Variants in CHODL observed in about 807,000 individuals in gnomAD.
The protein encoded by CHODL is transmembrane protein MT75.
Under a neutral mutation model 34.5 loss-of-function variants are expected in CHODL, and 29 were observed. The ratio of observed to expected loss-of-function variants is 0.84; its 90% confidence interval spans 0.63 to 1.15. The LOEUF (loss-of-function observed/expected upper bound fraction) is 1.15. Ranked by LOEUF, CHODL falls within the 50% of genes most tolerant of loss-of-function variation. The pLI is 0.00. For missense variants in CHODL, 332 were observed against 332.5 expected (o/e 1.00, Z 0.01); for synonymous variants, 125 against 116.1 (o/e 1.08, Z -0.49).
At chr21:18,257,178 A>G in intron 3 of CHODL, 51 bp downstream of exon 3, 5 of 1,501,808 alleles carry the variant, frequency 3.3e-6, no homozygotes, top group East Asian at 4.6e-5. Context: ...GTTTAATTGT[A>G]TTAAGTTTTG....
chr21:18,131,225 A>G (rs1460637361), intron 2 of CHODL, among the ~76,000 whole-genome samples: 3 of 152,120 alleles, frequency 2.0e-5, no homozygotes, highest in Non-Finnish European at 2.9e-5. Flanking sequence ...AGGGAATAGT[A>G]AAGGGCCCTG....
At chr21:18,039,751 G>C (rs1158921856) in intron 2 of CHODL, among the ~76,000 whole-genome samples, 9 of 151,522 alleles carry the variant, frequency 5.9e-5, no homozygotes, top group Admixed American at 5.9e-4. Flanking sequence ...TCATCTTGAT[G>C]CTACCAAAAC....
At chr21:18,251,551 A>AATATTT (rs1568957614) in intron 1 of CHODL, among the ~76,000 whole-genome samples, 2 of 6,062 alleles carry the variant, frequency 3.3e-4, no homozygotes, top group African/African-American at 1.3e-3. Context: ...TAATATATAA[A>AATATTT]TATTTATTTT....
intron 1 of CHODL, among the ~76,000 whole-genome samples, chr21:18,002,800 G>C (rs551190290): frequency 2.6e-5 from 4 of 152,262 alleles, no homozygotes; most frequent in Admixed American, 2.6e-4. Flanking sequence ...GGTGCTTGTA[G>C]GATGGATACA....
At chr21:18,039,850 T>G (rs2064354038) in intron 2 of CHODL, among the ~76,000 whole-genome samples, 1 of 151,744 alleles carries the variant, frequency 6.6e-6, no homozygotes, top group African/African-American at 2.4e-5. Flanking sequence ...TTTAAGAGAT[T>G]TATGGATTGC....
At position 18,266,025 on chromosome 21, in the gene CHODL, G is replaced by A; in HGVS notation, c.809G>A (p.Gly270Asp). Residue 270 changes from glycine (G) to aspartate (D), a missense_variant, in exon 6 of 6, where the codon GGC becomes GAC. Physicochemically the swap from Gly to Asp is moderately conservative, Grantham distance 94. Transcript: ENST00000299295. ...TCAAAGAGTACCAGAAAAGAAAGTG[G>A]CATGGAAGTATAATAACTCATTGAC... The part of the protein sequence containing the change: ...WISKSTRKES[G>D]MEV The A allele has an allele frequency of 6.2e-7, 1 of 1,613,538 alleles. No individual in the cohort carries two copies. Among genetic ancestry groups the A allele is most frequent in the African/African-American group, 1.3e-5 (1 of 75,018 alleles).
intron 1 of CHODL, among the ~76,000 whole-genome samples, chr21:17,998,737 C>A (rs1041145776): frequency 6.6e-6 from 1 of 152,148 alleles, no homozygotes; most frequent in East Asian, 1.9e-4. Context: ...ATGGCTGGAG[C>A]CTTGAACATA....
intron 2 of CHODL, among the ~76,000 whole-genome samples, chr21:18,204,438 C>G (rs1405036186): frequency 6.6e-6 from 1 of 152,066 alleles, no homozygotes; most frequent in African/African-American, 2.4e-5. Context: ...GAAACCCTTA[C>G]CGGCAACTAT....
intron 2 of CHODL, among the ~76,000 whole-genome samples, chr21:18,192,472 G>A (rs2073522079): frequency 6.6e-6 from 1 of 152,116 alleles, no homozygotes; most frequent in African/African-American, 2.4e-5. Flanking sequence ...ATAAACATAA[G>A]TTTCGCATGA....
intron 1 of CHODL, among the ~76,000 whole-genome samples, chr21:18,252,253 T>C (rs2074266201): frequency 6.6e-6 from 1 of 152,160 alleles, no homozygotes; most frequent in African/African-American, 2.4e-5. Context: ...TATGGTTCTC[T>C]GAATCCTTAT....
intron 2 of CHODL, among the ~76,000 whole-genome samples, chr21:18,086,826 T>C (rs1449542361): frequency 6.6e-6 from 1 of 152,162 alleles, no homozygotes; most frequent in African/African-American, 2.4e-5. Flanking sequence ...GGGCTGATTC[T>C]TGGGCCTCCA....
chr21:18,056,207 C>A (rs1392995610), intron 2 of CHODL, among the ~76,000 whole-genome samples: 2 of 151,920 alleles, frequency 1.3e-5, no homozygotes, highest in African/African-American at 2.4e-5. Flanking sequence ...GACCATTAAC[C>A]TTCAAGATTT....
At chr21:17,998,384 G>C (rs2063871934) in intron 1 of CHODL, among the ~76,000 whole-genome samples, 1 of 152,168 alleles carries the variant, frequency 6.6e-6, no homozygotes, top group Non-Finnish European at 1.5e-5. Flanking sequence ...GGTGCAAGCT[G>C]TTGGTGGATC....
At chr21:17,928,914 A>T (rs969119205) in intron 1 of CHODL, among the ~76,000 whole-genome samples, 23 of 152,350 alleles carry the variant, frequency 1.5e-4, no homozygotes, top group African/African-American at 5.3e-4. Context: ...TTATTCTAGG[A>T]TAGTATTAGT....
intron 5 of CHODL, among the ~76,000 whole-genome samples, chr21:18,265,277 G>A (rs148106067): frequency 0.017 from 2,196 of 128,038 alleles, 51 homozygotes; most frequent in African/African-American, 0.077. Context: ...ATATATGTGT[G>A]TGTATATATA....
chr21:18,122,291 C>G (rs2065489539), intron 2 of CHODL, among the ~76,000 whole-genome samples: 2 of 151,934 alleles, frequency 1.3e-5, no homozygotes, highest in South Asian at 4.1e-4. Flanking sequence ...TTTTTAAAAC[C>G]TTTTAATATC....
intron 1 of CHODL, among the ~76,000 whole-genome samples, chr21:17,930,201 G>A (rs2063260995): frequency 6.6e-6 from 1 of 152,054 alleles, no homozygotes; most frequent in South Asian, 2.1e-4. Flanking sequence ...GTGGGCCAAA[G>A]GCCCCACAGC....
intron 1 of CHODL, among the ~76,000 whole-genome samples, chr21:18,003,048 C>T (rs1330785578): frequency 6.7e-6 from 1 of 148,742 alleles, no homozygotes; most frequent in Non-Finnish European, 1.5e-5. Context: ...GCGTGAACCC[C>T]GGGGGGCGGA....
chr21:18,157,043 G>A (rs2073042869), intron 2 of CHODL, among the ~76,000 whole-genome samples: 1 of 152,174 alleles, frequency 6.6e-6, no homozygotes. Flanking sequence ...TTGCGGCGAA[G>A]AAGGCAGAAG....
Sources: allele counts gnomAD v4.1 joint callset (sites outside exome capture counted in the v4.1 genomes callset), GRCh38; gene constraint gnomAD v4.1.1; transcripts MANE v1.5; gene names NCBI Gene and HGNC (gene_info 2026-07-23, HGNC 2026-07-21).